Variants in TOGARAM1 observed in about 807,000 individuals in gnomAD.
TOGARAM1 encodes the protein TOG array regulator of axonemal microtubules protein 1.
A neutral mutation model predicts 166.6 loss-of-function variants in TOGARAM1; 100 were observed. The observed-to-expected ratio is 0.60, with a 90% CI of 0.51 to 0.71. The LOEUF (loss-of-function observed/expected upper bound fraction) is 0.71. Among genes scored for constraint, TOGARAM1 ranks in the 30% least tolerant of loss-of-function variants. The pLI is 0.00. For missense variants in TOGARAM1, 2,029 were observed against 2,102.7 expected, an observed-to-expected ratio of 0.96 and a Z score of 0.69; for synonymous variants, 758 against 763.8, an observed-to-expected ratio of 0.99 and a Z score of 0.13.
chr14:44,968,684 A>C (rs1411864285), intron 1 of TOGARAM1, among the ~76,000 whole-genome samples: 1 of 152,232 alleles, frequency 6.6e-6, no homozygotes, highest in East Asian at 1.9e-4. Flanking sequence ...ATTTGTTATA[A>C]TCAGTGAACC....
chr14:45,012,416 T>A (rs1338630722), intron 7 of TOGARAM1, among the ~76,000 whole-genome samples: 1 of 152,194 alleles, frequency 6.6e-6, no homozygotes, highest in East Asian at 1.9e-4. Context: ...ATGTGCAGCA[T>A]AGTTTGGGAA....
At chr14:44,996,374 C>T (rs1887413309) in intron 2 of TOGARAM1, 1 of 152,128 alleles carries the variant, frequency 6.6e-6, no homozygotes, top group African/African-American at 2.4e-5. Context: ...GAACAGTCAG[C>T]ACAAGTAACT....
At chr14:44,993,157 A>C (rs567679655) in intron 1 of TOGARAM1, among the ~76,000 whole-genome samples, 2 of 151,966 alleles carry the variant, frequency 1.3e-5, no homozygotes, top group Admixed American at 1.3e-4. Flanking sequence ...GTGTGGTGGC[A>C]CATGCCTATA....
At chr14:45,022,195 G>A (rs552387050) in intron 7 of TOGARAM1, among the ~76,000 whole-genome samples, 20 of 151,914 alleles carry the variant, frequency 1.3e-4, no homozygotes, top group African/African-American at 4.1e-4. Context: ...TGTAAGCCTC[G>A]GGGAAGTCCG....
intron 13 of TOGARAM1, among the ~76,000 whole-genome samples, chr14:45,045,819 C>T (rs1204562697): frequency 6.7e-6 from 1 of 148,628 alleles, no homozygotes; most frequent in Non-Finnish European, 1.5e-5. Flanking sequence ...AGGTTGGTTC[C>T]ACATCTTTGT....
Position 45,052,520 on chromosome 14 carries a change from T to C in TOGARAM1, c.4398T>C (p.Asp1466=). Residue 1466 remains aspartate, a synonymous_variant, in exon 15 of 20, where the codon GAT becomes GAC. Coordinates refer to ENST00000361462, the MANE Select transcript of TOGARAM1 (RefSeq NM_001308120.2). ...TTGAAAAGTATGTCCCATCTAAAGA[T>C]TTGCCATATATTAAGGACTCTGTTA... ...KMLEKYVPSK[D]LPYIKDSVRN... is the part of the protein sequence containing the mutation. The C allele has an allele frequency of 6.2e-7, 1 of 1,612,490 alleles. No individual in the cohort carries two copies.
intron 1 of TOGARAM1, among the ~76,000 whole-genome samples, chr14:44,970,750 A>G (rs1477632125): frequency 6.6e-6 from 1 of 152,122 alleles, no homozygotes; most frequent in Non-Finnish European, 1.5e-5. Flanking sequence ...TCATATATGG[A>G]TATTAGATTT....
intron 11 of TOGARAM1, among the ~76,000 whole-genome samples, chr14:45,043,139 GC>G (rs1255105530): frequency 6.6e-6 from 1 of 151,524 alleles, no homozygotes; most frequent in Non-Finnish European, 1.5e-5. Context: ...ACTTGCTGCA[GC>G]TTCTACATTA....
chr14:44,964,048 T>C lies in TOGARAM1; in HGVS notation c.1627T>C (p.Ser543Pro). 2.5e-6 allele frequency: 4 copies of C among 1,614,144 alleles called. No individual in the cohort carries two copies. Among genetic ancestry groups the C allele is most frequent in the Non-Finnish European group, 3.4e-6 (4 of 1,179,970 alleles). ...TGCCGTATTGGCATCATCAATGGGC[T>C]CAGGTAAAACCAGCATCCTTTTTAA... is the stretch of plus-strand genomic sequence containing the variant. ...AFAVLASSMG[S>P]GKTSILFKAV... Residue 543 changes from serine (S) to proline (P), a missense_variant, in exon 1 of 20, where the codon TCA (serine) becomes CCA (proline). Ser to Pro is a moderately conservative substitution (Grantham distance 74, BLOSUM62 -1). Around this residue, in one of 2 missense-constraint regions of TOGARAM1, gnomAD observed 1,453 missense variants for 1,432.2 expected, o/e 1.01. Coordinates refer to ENST00000361462, the MANE Select transcript of TOGARAM1 (RefSeq NM_001308120.2).
At chr14:45,015,310 A>ATAAATAAG (rs1880061085) in intron 7 of TOGARAM1, among the ~76,000 whole-genome samples, 1 of 102,022 alleles carries the variant, frequency 9.8e-6, no homozygotes, top group South Asian at 2.9e-4. Flanking sequence ...ATCTCAAAAA[A>ATAAATAAG]TAAATAAATA....
rs1885328017 is a variant in TOGARAM1 at position 44,963,493 on chromosome 14, C to T, written c.1072C>T (p.Arg358Ter). Residue 358 changes from arginine to a stop codon, truncating the protein, a stop_gained, in exon 1 of 20, where the codon CGA becomes TGA. Coordinates refer to ENST00000361462, the MANE Select transcript of TOGARAM1 (RefSeq NM_001308120.2). LOFTEE classifies it high-confidence loss of function. Reference protein sequence around the residue: ...FGIIPQELHSRLLDQEDYKNR... With the variant: ...FGIIPQELHS ...GATTATTCCTCAGGAGCTGCATTCA[C>T]GATTATTGGATCAGGAAGACTATAA... is the stretch of plus-strand genomic sequence containing the variant. 1 of 1,614,150 alleles carries T rather than the reference C, an allele frequency of 6.2e-7. No individual in the cohort carries two copies. The highest frequency in any genetic ancestry group is 2.2e-5 in the East Asian group (1 of 44,878).
At chr14:44,965,695 A>T (rs1025275675) in intron 1 of TOGARAM1, among the ~76,000 whole-genome samples, 2 of 152,090 alleles carry the variant, frequency 1.3e-5, no homozygotes, top group Non-Finnish European at 2.9e-5. Context: ...AGGTGGTAAT[A>T]GCCAGATCTC....
chr14:44,992,818 C>T (rs1021769462), intron 1 of TOGARAM1, among the ~76,000 whole-genome samples: 28 of 151,360 alleles, frequency 1.8e-4, no homozygotes, highest in African/African-American at 6.5e-4. Flanking sequence ...GGGTTTTCAC[C>T]GTGTTAGCCA....
intron 16 of TOGARAM1, 93 bp downstream of exon 16, chr14:45,054,642 G>A: frequency 1.2e-6 from 1 of 857,136 alleles, no homozygotes. Flanking sequence ...AGGGGTATTT[G>A]CCAAAATTTA....
At chr14:44,991,903 AT>A (rs923479721) in intron 1 of TOGARAM1, among the ~76,000 whole-genome samples, 4 of 151,506 alleles carry the variant, frequency 2.6e-5, no homozygotes, top group Non-Finnish European at 4.4e-5. Context: ...TAACTTTGGT[AT>A]TTTTTATATT....
chr14:45,067,313 A>G (rs918389345), intron 17 of TOGARAM1, among the ~76,000 whole-genome samples: 5 of 152,258 alleles, frequency 3.3e-5, no homozygotes, highest in African/African-American at 1.2e-4. Context: ...ATATATGTTG[A>G]ATTAATCAAT....
Position 44,962,199 on chromosome 14 carries a change from C to T in TOGARAM1, c.-223C>T. 4 of 502,162 alleles carry T rather than the reference C, an allele frequency of 8.0e-6. No homozygotes were observed. The South Asian group carries it at 1.5e-4, about 19-fold the overall frequency. 31.1% of individuals were successfully genotyped at this position (502,162 alleles called of 1,614,324 possible). ...AGCAATCGGTTTGGTCACGTGGTGC[C>T]CTTGGTTACGCCCGGTGGCAGCTGT... On this transcript the variant is annotated 5_prime_UTR_variant, in exon 1 of 20. Coordinates refer to ENST00000361462, the MANE Select transcript of TOGARAM1 (RefSeq NM_001308120.2).
At chr14:44,988,108 G>A (rs1175988346) in intron 1 of TOGARAM1, among the ~76,000 whole-genome samples, 1 of 141,778 alleles carries the variant, frequency 7.1e-6, no homozygotes, top group Non-Finnish European at 1.5e-5. Context: ...CCTGCTGTGA[G>A]GTGGGGGGAG....
At chr14:44,965,869 A>ATTTTTTTTT (rs747983176) in intron 1 of TOGARAM1, among the ~76,000 whole-genome samples, 3 of 120,496 alleles carry the variant, frequency 2.5e-5, no homozygotes, top group South Asian at 2.5e-4. Context: ...ACAAATAGTA[A>ATTTTTTTTT]TTTTTTTTTT....
Sources: gnomAD v4.1 joint callset for allele counts (sites outside exome capture counted in the v4.1 genomes callset) on GRCh38, gnomAD v4.1.1 for gene constraint, gnomAD v4.1.1 regional missense constraint, MANE v1.5 for transcripts, NCBI Gene and HGNC (gene_info 2026-07-23, HGNC 2026-07-21) for gene names.